Variants in PRAC2 observed in about 807,000 individuals in gnomAD.
The protein encoded by PRAC2 is PRAC2 small nuclear protein.
For synonymous variants in PRAC2, 43 were observed against 49.5 expected (o/e 0.87, Z 0.55); for missense variants, 92 against 114.5 (o/e 0.80, Z 0.90).
chr17:48,719,405 G>C (rs1277739217), upstream of PRAC2, among the ~76,000 whole-genome samples: 1 of 152,108 alleles, frequency 6.6e-6, no homozygotes. Context: ...CGAAGTTTAA[G>C]TTTCCAGGTC....
At chr17:48,720,276 G>A (rs1304566296), upstream of PRAC2, among the ~76,000 whole-genome samples, 1 of 152,214 alleles carries the variant, frequency 6.6e-6, no homozygotes. Context: ...CCAGGACCCT[G>A]TGAGATGCCC....
upstream of PRAC2, chr17:48,722,539 G>C: frequency 1.4e-6 from 1 of 691,110 alleles, no homozygotes; most frequent in Non-Finnish European, 2.6e-6. Flanking sequence ...AGCACTGGGT[G>C]CCCCTCTCCC....
upstream of PRAC2, among the ~76,000 whole-genome samples, chr17:48,720,893 GT>G (rs1371651360): frequency 6.6e-6 from 1 of 152,138 alleles, no homozygotes; most frequent in African/African-American, 2.4e-5. Context: ...CAATAGAGGA[GT>G]CCCTGGGCTT....
At chr17:48,722,157 G>A (rs950046879), upstream of PRAC2, among the ~76,000 whole-genome samples, 1 of 152,064 alleles carries the variant, frequency 6.6e-6, no homozygotes, top group Admixed American at 6.5e-5. Context: ...AGGTGCTCCC[G>A]CCAGGTGGTA....
chr17:48,723,866 G>A, intron 1 of PRAC2: 1 of 959,326 alleles, frequency 1.0e-6, no homozygotes, highest in Non-Finnish European at 1.4e-6. Context: ...TTTCGGGCCT[G>A]GAGCCCGCGT....
upstream of PRAC2, chr17:48,722,316 A>G (rs776293281): frequency 5.6e-6 from 9 of 1,612,668 alleles, no homozygotes; most frequent in Non-Finnish European, 7.6e-6. Flanking sequence ...CGATCAGTTT[A>G]CCTTATTAGA....
upstream of PRAC2, chr17:48,723,109 G>A (rs1458849193): frequency 1.3e-5 from 2 of 152,434 alleles, no homozygotes; most frequent in African/African-American, 4.8e-5. Flanking sequence ...TTTTAAATCT[G>A]TCTCAGGCCC....
At chr17:48,722,199 G>T, upstream of PRAC2, 7 of 869,744 alleles carry the variant, frequency 8.0e-6, no homozygotes, top group South Asian at 1.6e-5. Flanking sequence ...CCCTTCCCTT[G>T]TTTCCCAAAA....
intron 1 of PRAC2, chr17:48,723,587 C>A: frequency 1.5e-6 from 1 of 681,754 alleles, no homozygotes; most frequent in Non-Finnish European, 2.1e-6. Flanking sequence ...CAGCTTCCGG[C>A]CCGGGAACTA....
upstream of PRAC2, chr17:48,722,036 C>T (rs1011114601): frequency 7.0e-6 from 7 of 1,005,446 alleles, no homozygotes; most frequent in East Asian, 1.6e-4. Context: ...TGCTAGTTCC[C>T]ACTCCCAAGC....
At chr17:48,722,400 C>A (rs1167194623), upstream of PRAC2, 10 of 1,613,864 alleles carry the variant, frequency 6.2e-6, no homozygotes, top group Non-Finnish European at 8.5e-6. Context: ...CATCGCTGTT[C>A]TCTCTGCAAA....
chr17:48,723,322 T>A lies in PRAC2; in HGVS notation c.-84+9T>A. The stretch of plus-strand genomic sequence containing the variant: ...TTTATTGCAAGTTTACGGTAACGAG[T>A]TCATCTATTTAATTCGCGGTTGCAG... On this transcript the variant is annotated intron_variant, in intron 1 of 1. Coordinates refer to ENST00000422730, the MANE Select transcript of PRAC2 (RefSeq NM_001282275.2). 1 of 190,426 alleles carries A rather than the reference T, an allele frequency of 5.3e-6. No homozygotes were observed. The highest frequency in any genetic ancestry group is 1.1e-5 in the Non-Finnish European group (1 of 94,172). 11.8% of individuals were successfully genotyped at this position (190,426 alleles called of 1,614,324 possible). A position where few individuals can be genotyped will look rare whatever the true frequency, so the allele number is the denominator to read the frequency against.
chr17:48,723,938 C>T (rs1450425601), intron 1 of PRAC2, among the ~76,000 whole-genome samples: 2 of 152,168 alleles, frequency 1.3e-5, no homozygotes, highest in African/African-American at 4.8e-5. Context: ...GAGTTTGGCT[C>T]TGAGGGAGGG....
chr17:48,720,261 G>A (rs1000965281), upstream of PRAC2, among the ~76,000 whole-genome samples: 9 of 152,202 alleles, frequency 5.9e-5, no homozygotes, highest in Non-Finnish European at 1.2e-4. Context: ...GCTTCGCCTG[G>A]GGGTCCAGGA....
chr17:48,722,484 GCT>G, upstream of PRAC2: 1 of 1,083,122 alleles, frequency 9.2e-7, no homozygotes, highest in Non-Finnish European at 1.4e-6. Flanking sequence ...TCCCAGTGGC[GCT>G]CTGTTTGCAC....
At chr17:48,723,787 T>G in intron 1 of PRAC2, 12 of 1,230,218 alleles carry the variant, frequency 9.8e-6, no homozygotes, top group Non-Finnish European at 1.2e-5. Context: ...TTCTACGCAT[T>G]GCGCCACTAC....
chr17:48,723,033 C>T (rs2143046627), upstream of PRAC2: 1 of 153,156 alleles, frequency 6.5e-6, no homozygotes. Flanking sequence ...CCCCCTCATC[C>T]CCTCTACACA....
rs773085292 is a variant in PRAC2, at chr17:48,724,445, C to T, written c.35C>T (p.Ser12Phe). ...AGGCGGATGGCTCTGCGGCCTGGCTCCCGCAGACCGACCGCCTTCTTCTTC... is the reference window on the plus strand; with the variant it reads ...AGGCGGATGGCTCTGCGGCCTGGCTTCCGCAGACCGACCGCCTTCTTCTTC... ...DRRRMALRPG[S>F]RRPTAFFFHS... is the part of the protein sequence containing the mutation. Residue 12 changes from serine to phenylalanine, a missense_variant, in exon 2 of 2, where the codon TCC becomes TTC. Coordinates refer to ENST00000422730, the MANE Select transcript of PRAC2 (RefSeq NM_001282275.2). 2.9e-4 allele frequency: 353 copies of T among 1,234,250 alleles called. No homozygotes were observed. Among genetic ancestry groups the T allele is most frequent in the Non-Finnish European group, 3.4e-4 (334 of 988,134 alleles). 76.5% of individuals were successfully genotyped at this position (1,234,250 alleles called of 1,614,324 possible).
chr17:48,719,250 C>G (rs980841938), upstream of PRAC2, among the ~76,000 whole-genome samples: 1 of 152,002 alleles, frequency 6.6e-6, no homozygotes. Flanking sequence ...CACACGCACA[C>G]GCAGCACTAC....
Sources: gnomAD v4.1 joint callset for allele counts (sites outside exome capture counted in the v4.1 genomes callset) on GRCh38, gnomAD v4.1.1 for gene constraint, MANE v1.5 for transcripts, NCBI Gene and HGNC (gene_info 2026-07-23, HGNC 2026-07-21) for gene names.